Variants in PEAK1 observed in about 807,000 individuals in gnomAD.
PEAK1 encodes pseudopodium enriched atypical kinase 1, also known as inactive tyrosine-protein kinase PEAK1.
A neutral mutation model predicts 124.7 loss-of-function variants in PEAK1; 54 were observed. The ratio of observed to expected loss-of-function variants is 0.43; its 90% CI spans 0.35 to 0.54. The LOEUF (loss-of-function observed/expected upper bound fraction) is 0.54, where lower values mean the gene tolerates loss of function less well. Among genes scored for constraint, PEAK1 ranks in the 20% least tolerant of loss-of-function variants. The probability of loss-of-function intolerance (pLI) is 0.01; values close to 1 mark genes in which losing one functional copy is unlikely to be tolerated. For synonymous variants in PEAK1, 719 were observed against 760.0 expected, an observed-to-expected ratio of 0.95 and a Z score of 0.89; for missense variants, 2,046 against 2,134.5, an observed-to-expected ratio of 0.96 and a Z score of 0.82.
chr15:77,341,278 T>A (rs1322373867), intron 2 of PEAK1, among the ~76,000 whole-genome samples: 1 of 151,972 alleles, frequency 6.6e-6, no homozygotes, highest in Non-Finnish European at 1.5e-5. Context: ...GGCGGGTGGA[T>A]CATCTGAGGT....
chr15:77,403,656 TCC>T lies in PEAK1; in HGVS notation c.-666+16348_-666+16349del, dbSNP rs111308104. 5.2e-3 allele frequency: 4,568 copies of T among 879,920 alleles called. 188 individuals are homozygous for T. The African/African-American group carries it at 0.077, about 15-fold the overall frequency. 54.5% of individuals were successfully genotyped at this position (879,920 alleles called of 1,614,324 possible). On this transcript the variant is annotated intron_variant, in intron 1 of 9. Transcript: ENST00000682557. Reference sequence around the variant, plus strand: ...GGGACATGAAGATGAATAAAACACATCCCCCTTTAGTTTCCATTCATCTCATT... The same window carrying T: ...GGGACATGAAGATGAATAAAACACATCCCTTTAGTTTCCATTCATCTCATT...
chr15:77,273,398 GTAAA>G (rs2062140001), intron 5 of PEAK1, among the ~76,000 whole-genome samples: 1 of 152,104 alleles, frequency 6.6e-6, no homozygotes, highest in Non-Finnish European at 1.5e-5. Context: ...TCCTGAACTA[GTAAA>G]TGAATTCAGC....
intron 5 of PEAK1, among the ~76,000 whole-genome samples, chr15:77,270,284 T>C (rs557706178): frequency 1.2e-4 from 19 of 152,162 alleles, no homozygotes; most frequent in Non-Finnish European, 2.6e-4. Flanking sequence ...GCCAGGGCAA[T>C]CAGGCAGGAG....
chr15:77,152,694 A>T (rs927636518), intron 8 of PEAK1, among the ~76,000 whole-genome samples: 1 of 152,192 alleles, frequency 6.6e-6, no homozygotes, highest in Admixed American at 6.5e-5. Context: ...AGTTTTTAGC[A>T]TGAAGGGTTG....
chr15:77,361,018 A>G (rs900610748), intron 2 of PEAK1, among the ~76,000 whole-genome samples: 2 of 152,092 alleles, frequency 1.3e-5, no homozygotes, highest in African/African-American at 4.8e-5. Context: ...CAAAAGAAAC[A>G]AACGGGATTA....
downstream of PEAK1, chr15:77,105,413 A>G (rs2050741108): frequency 6.6e-6 from 1 of 152,078 alleles, no homozygotes; most frequent in South Asian, 2.1e-4. Context: ...CAAGGAAGTC[A>G]GTTTGTGTCC....
intron 5 of PEAK1, among the ~76,000 whole-genome samples, chr15:77,264,334 A>C (rs997421535): frequency 6.6e-6 from 1 of 152,158 alleles, no homozygotes; most frequent in Non-Finnish European, 1.5e-5. Flanking sequence ...TGCAGATGAC[A>C]TGATTGTATA....
intron 5 of PEAK1, among the ~76,000 whole-genome samples, chr15:77,269,306 G>A (rs2061904614): frequency 6.6e-6 from 1 of 152,106 alleles, no homozygotes; most frequent in African/African-American, 2.4e-5. Context: ...ATAAAGCTAA[G>A]GTAACAGGGT....
chr15:77,297,333 T>C (rs2063535266), intron 2 of PEAK1, among the ~76,000 whole-genome samples: 1 of 151,704 alleles, frequency 6.6e-6, no homozygotes, highest in Admixed American at 6.6e-5. Flanking sequence ...AAGCTGAAAA[T>C]TTAAAAAATG....
rs1332970028 is a variant in PEAK1, at chr15:77,251,448, A to C, written c.-115+919T>G. The stretch of plus-strand genomic sequence containing the variant: ...GATTTTCAAAAGGTAGAAAGAAAGA[A>C]AGGCAAAAGAGTAAATAAAGATTAT... On this transcript the variant is annotated intron_variant, in intron 6 of 9. Coordinates refer to ENST00000682557, the MANE Select transcript of PEAK1 (RefSeq NM_001385026.1). Among the ~76,000 whole-genome samples, 3 of 152,322 alleles carry C rather than the reference A, an allele frequency of 2.0e-5. No homozygotes were observed. In the East Asian group the frequency reaches 5.8e-4, roughly 29 times the overall value.
At chr15:77,371,114 T>C in intron 1 of PEAK1, 2 of 954,728 alleles carry the variant, frequency 2.1e-6, no homozygotes, top group Non-Finnish European at 2.5e-6. Flanking sequence ...TAAGGCTGAA[T>C]TATGTTATTT....
intron 1 of PEAK1, among the ~76,000 whole-genome samples, chr15:77,397,958 G>A (rs150825212): frequency 0.03 from 4,551 of 152,230 alleles, 90 homozygotes; most frequent in Non-Finnish European, 0.046. Flanking sequence ...CCAGCTACTC[G>A]GGAGGCTGAC....
intron 3 of PEAK1, 26 bp from the exon 4 acceptor site, chr15:77,285,081 CAA>C (rs61149018): frequency 8.6e-4 from 115 of 134,388 alleles, no homozygotes; most frequent in East Asian, 9.5e-4. Context: ...AGACTCGTCT[CAA>C]AAAAAAAAAA....
intron 5 of PEAK1, among the ~76,000 whole-genome samples, chr15:77,261,253 T>C (rs1474575385): frequency 6.6e-6 from 1 of 152,008 alleles, no homozygotes; most frequent in African/African-American, 2.4e-5. Context: ...TCACCAGCAA[T>C]GGAACAAAGC....
chr15:77,203,028 C>A (rs947717182), intron 6 of PEAK1, among the ~76,000 whole-genome samples: 1 of 148,410 alleles, frequency 6.7e-6, no homozygotes, highest in Non-Finnish European at 1.5e-5. Context: ...CAGAGCCAGA[C>A]CCTGTCTCAG....
chr15:77,288,191 C>G (rs929285879), intron 2 of PEAK1, among the ~76,000 whole-genome samples: 3 of 152,180 alleles, frequency 2.0e-5, no homozygotes, highest in Non-Finnish European at 4.4e-5. Context: ...GAATAAATGT[C>G]CAAGTATGAC....
At chr15:77,344,768 C>T (rs2066763308) in intron 2 of PEAK1, among the ~76,000 whole-genome samples, 1 of 152,146 alleles carries the variant, frequency 6.6e-6, no homozygotes, top group Non-Finnish European at 1.5e-5. Flanking sequence ...AGGTCTTCCA[C>T]CTCCTTGGTT....
intron 2 of PEAK1, chr15:77,336,072 A>G (rs2066180436): frequency 3.0e-6 from 3 of 985,330 alleles, no homozygotes; most frequent in South Asian, 9.4e-5. Flanking sequence ...AGTGCCATTA[A>G]AAGACTGCTA....
intron 6 of PEAK1, among the ~76,000 whole-genome samples, chr15:77,191,323 T>C (rs2057821728): frequency 1.3e-5 from 2 of 152,130 alleles, no homozygotes; most frequent in Admixed American, 1.3e-4. Context: ...TAAATATTAG[T>C]TATTTTCTCC....
Sources: gnomAD v4.1 joint callset for allele counts (sites outside exome capture counted in the v4.1 genomes callset) on GRCh38, gnomAD v4.1.1 for gene constraint, MANE v1.5 for transcripts, NCBI Gene and HGNC (gene_info 2026-07-23, HGNC 2026-07-21) for gene names.